Variants in ZEB1 observed in about 807,000 individuals in gnomAD.
ZEB1 encodes zinc finger E-box binding homeobox 1.
Under a neutral mutation model 84.9 loss-of-function variants are expected in ZEB1, and 21 were observed. The observed-to-expected ratio is 0.25, with a 90% CI of 0.18 to 0.36. The LOEUF (loss-of-function observed/expected upper bound fraction) is 0.36. Ranked by LOEUF, ZEB1 falls within the 10% of genes least tolerant of loss-of-function variation. The probability of loss-of-function intolerance (pLI) is 1.00; values close to 1 mark genes in which losing one functional copy is unlikely to be tolerated. For synonymous variants in ZEB1, 420 were observed against 471.1 expected, an observed-to-expected ratio of 0.89 and a Z score of 1.41; for missense variants, 1,104 against 1,330.2, an observed-to-expected ratio of 0.83 and a Z score of 2.65.
At chr10:31,362,216 G>A (rs2043317465) in intron 1 of ZEB1, among the ~76,000 whole-genome samples, 1 of 146,660 alleles carries the variant, frequency 6.8e-6, no homozygotes, top group South Asian at 2.1e-4. Context: ...CTGGGCAGAG[G>A]TGCTCCTCAC....
At chr10:31,381,852 A>T (rs542177873) in intron 1 of ZEB1, 1 of 151,972 alleles carries the variant, frequency 6.6e-6, no homozygotes, top group Non-Finnish European at 1.5e-5. Flanking sequence ...CTCTACTAAA[A>T]ATAGAGAAAT....
At chr10:31,494,469 T>C (rs1344080790) in intron 2 of ZEB1, among the ~76,000 whole-genome samples, 2 of 151,982 alleles carry the variant, frequency 1.3e-5, no homozygotes, top group African/African-American at 2.4e-5. Context: ...CACGTGATAA[T>C]CCAAGGCACT....
chr10:31,520,211 T>C lies in ZEB1; in HGVS notation c.879T>C (p.Cys293=), dbSNP rs374468151. 1.7e-5 allele frequency: 28 copies of C among 1,613,890 alleles called. No individual in the cohort carries two copies. Among genetic ancestry groups the C allele is most frequent in the Non-Finnish European group, 2.2e-5 (26 of 1,179,932 alleles). The change falls in exon 7 of 9, where the codon TGT becomes TGC. Residue 293 remains cysteine, a synonymous_variant. Transcript: ENST00000424869. The surrounding 1 kb of genome is among the most constrained non-coding windows in gnomAD (Gnocchi z 5.1). ...GCTCACACATAAGCAGTAAGAAATG[T>C]ATCAGCTTGATACCTGTGAATGGGC... The part of the protein sequence containing the change: ...SYSSHISSKK[C]ISLIPVNGRP...
chr10:31,479,569 C>T (rs2064767730), intron 2 of ZEB1, among the ~76,000 whole-genome samples: 2 of 151,600 alleles, frequency 1.3e-5, no homozygotes, highest in African/African-American at 4.8e-5. Context: ...GGGACTTACT[C>T]CTGGGATGCA....
chr10:31,406,439 C>T (rs1320585608), intron 1 of ZEB1, among the ~76,000 whole-genome samples: 2 of 151,572 alleles, frequency 1.3e-5, no homozygotes, highest in South Asian at 2.1e-4. Flanking sequence ...TCTCTAATGA[C>T]CAGTGATGAT....
At chr10:31,443,081 C>T (rs79214365) in intron 1 of ZEB1, among the ~76,000 whole-genome samples, 2,310 of 152,154 alleles carry the variant, frequency 0.015, 44 homozygotes, top group African/African-American at 0.052. Context: ...TGAGAGTGTA[C>T]GTGAGAAGTG....
At position 31,527,411 on chromosome 10, in the gene ZEB1, AAAC is replaced by A. The variant is rs2073697656; in HGVS notation, c.*149_*151del. The A allele has an allele frequency of 2.6e-6, 2 of 771,368 alleles. No homozygotes were observed. The highest frequency in any genetic ancestry group is 3.9e-6 in the Non-Finnish European group (2 of 508,026). The allele number at this position is 771,368 out of a possible 1,614,324, so 47.8% of individuals were successfully genotyped here. A position where few individuals can be genotyped will look rare whatever the true frequency, so the allele number is the denominator to read the frequency against. On this transcript the variant is annotated 3_prime_UTR_variant, in exon 9 of 9. Transcript: ENST00000424869. Reference sequence around the variant, plus strand: ...AAAAACTAAAAAAATACAAAATACAAAACACACACACACACACACACACACACA... The same window carrying A: ...AAAAACTAAAAAAATACAAAATACAAACACACACACACACACACACACACA...
At chr10:31,361,125 A>G in intron 1 of ZEB1, 1 of 1,611,984 alleles carries the variant, frequency 6.2e-7, no homozygotes, top group African/African-American at 1.3e-5. Context: ...TCAAGGAAAA[A>G]GAAGAACTGA....
chr10:31,443,731 A>G (rs1401242315), intron 1 of ZEB1, among the ~76,000 whole-genome samples: 1 of 150,310 alleles, frequency 6.7e-6, no homozygotes, highest in Admixed American at 6.6e-5. Context: ...GTCCTTACAA[A>G]GGACATGAAC....
Position 31,452,759 on chromosome 10 carries a change from G to GAGAGAT in ZEB1, c.59-8273_59-8272insTAGAGA, listed in dbSNP as rs1554878945. 9.2e-3 allele frequency among the ~76,000 whole-genome samples: 1,375 copies of GAGAGAT among 149,728 alleles called. 16 individuals carry two copies. The highest frequency in any genetic ancestry group is 0.032 in the African/African-American group (1,277 of 40,060). On this transcript the variant is annotated intron_variant, in intron 1 of 8. Coordinates refer to ENST00000424869, the MANE Select transcript of ZEB1 (RefSeq NM_001174096.2). ...TGTGTGTGTGAGAGAGAGAGAGAGA[G>GAGAGAT]AGAGAGAGAGAGAGAGATGTTATTG...
intron 2 of ZEB1, among the ~76,000 whole-genome samples, chr10:31,471,991 TA>T (rs2063330802): frequency 7.1e-6 from 1 of 140,980 alleles, no homozygotes; most frequent in African/African-American, 3.2e-5. Context: ...AAGGCAGAAA[TA>T]AAGATGTTCT....
At chr10:31,374,346 C>T (rs1340601355) in intron 1 of ZEB1, among the ~76,000 whole-genome samples, 1 of 151,760 alleles carries the variant, frequency 6.6e-6, no homozygotes, top group Non-Finnish European at 1.5e-5. Context: ...CAGCATCTGT[C>T]ATTATGTAAT....
chr10:31,331,275 A>G (rs11008460), intron 1 of ZEB1, among the ~76,000 whole-genome samples: 1 of 151,318 alleles, frequency 6.6e-6, no homozygotes, highest in Non-Finnish European at 1.5e-5. Context: ...TTTAGTAGAG[A>G]TGGGGTTTCA....
chr10:31,350,316 T>A (rs1294639758), intron 1 of ZEB1, among the ~76,000 whole-genome samples: 1 of 152,214 alleles, frequency 6.6e-6, no homozygotes, highest in African/African-American at 2.4e-5. Flanking sequence ...TTATCTTTGA[T>A]ATGTAAGAAA....
chr10:31,464,653 G>T (rs2062180854), intron 2 of ZEB1, among the ~76,000 whole-genome samples: 2 of 152,156 alleles, frequency 1.3e-5, no homozygotes, highest in Non-Finnish European at 2.9e-5. Context: ...CAAAAGAAAA[G>T]TTGCAGACTC....
intron 1 of ZEB1, among the ~76,000 whole-genome samples, chr10:31,364,002 G>C (rs2043933481): frequency 1.3e-5 from 2 of 152,222 alleles, no homozygotes; most frequent in South Asian, 4.1e-4. Flanking sequence ...GGCATGGCCA[G>C]GACCTGCGGC....
At chr10:31,438,714 A>G (rs1209808386) in intron 1 of ZEB1, among the ~76,000 whole-genome samples, 1 of 152,226 alleles carries the variant, frequency 6.6e-6, no homozygotes, top group Non-Finnish European at 1.5e-5. Context: ...GTGGTGGCAC[A>G]GGCCTTTAGT....
intron 5 of ZEB1, among the ~76,000 whole-genome samples, chr10:31,513,120 G>C (rs1285195266): frequency 1.3e-5 from 2 of 152,168 alleles, no homozygotes; most frequent in Non-Finnish European, 2.9e-5. Context: ...ATAGATAAGA[G>C]AGACAAGAAC....
intron 2 of ZEB1, among the ~76,000 whole-genome samples, chr10:31,475,611 G>A (rs1168848232): frequency 6.6e-6 from 1 of 152,146 alleles, no homozygotes. Context: ...CAGCAACCTT[G>A]TAAAACATAA....
Sources: allele counts gnomAD v4.1 joint callset (sites outside exome capture counted in the v4.1 genomes callset), GRCh38; gene constraint gnomAD v4.1.1; non-coding constraint Gnocchi (gnomAD v3.1); transcripts MANE v1.5; gene names NCBI Gene and HGNC (gene_info 2026-07-23, HGNC 2026-07-21).